Variants in CHSY1 observed in about 807,000 individuals in gnomAD.
CHSY1 encodes the protein N-acetylgalactosaminyl-proteoglycan 3-beta-glucuronosyltransferase 1.
CHSY1 carries 13 observed loss-of-function variants against 59.8 expected under a neutral mutation model. That is an observed-to-expected ratio of 0.22 (90% CI 0.14 to 0.35). The LOEUF is 0.35. Ranked by LOEUF, CHSY1 falls within the 10% of genes least tolerant of loss-of-function variation. The pLI is 1.00. For synonymous variants in CHSY1, 459 were observed against 401.2 expected (o/e 1.14, Z -1.72); for missense variants, 947 against 1,030.6 (o/e 0.92, Z 1.11).
In CHSY1 at chr15:101,178,738, G is replaced by C. The variant is rs750900475; in HGVS notation, c.1059C>G (p.Asp353Glu). 6.2e-6 allele frequency: 10 copies of C among 1,614,126 alleles called. No homozygotes were observed. In the African/African-American group the frequency reaches 1.2e-4, roughly 19 times the overall value. The change falls in exon 3 of 3, where the codon GAC (aspartate) becomes GAG (glutamate). Residue 353 changes from aspartate to glutamate, a missense_variant. Physicochemically the swap from Asp to Glu is conservative, Grantham distance 45 (BLOSUM62 2). Transcript: ENST00000254190. ...AGGAGGGAGGGATTCCCAGCTGGAG[G>C]TCCTCTTTATGAATTTCTGTGTTGC... ...KYSNTEIHKE[D>E]LQLGIPPSFM...
rs540718181 is a variant in CHSY1 at position 101,232,427 on chromosome 15, T to C, written c.816+2655A>G. Among the ~76,000 whole-genome samples the C allele has an allele frequency of 3.3e-5, 5 of 151,700 alleles. No individual in the cohort carries two copies. The South Asian group carries it at 8.4e-4, about 25-fold the overall frequency. On this transcript the variant is annotated intron_variant, in intron 2 of 2. Coordinates refer to ENST00000254190, the MANE Select transcript of CHSY1 (RefSeq NM_014918.5). ...ACTTAAAGCTTTATAAAAAGAAAAA[T>C]AAAAAAATAGAAATCAAAGGTCTAA...
chr15:101,191,884 T>C (rs538629224), intron 2 of CHSY1, among the ~76,000 whole-genome samples: 111 of 151,914 alleles, frequency 7.3e-4, no homozygotes, highest in African/African-American at 2.6e-3. Flanking sequence ...CCTTCATCCA[T>C]CTATCTACTC....
chr15:101,237,509 A>G (rs187881487), intron 1 of CHSY1, among the ~76,000 whole-genome samples: 61 of 152,322 alleles, frequency 4.0e-4, no homozygotes, highest in African/African-American at 1.3e-3. Context: ...TGAGTGGTCA[A>G]TTGCGAGGAA....
At chr15:101,237,222 T>TAAAAAAAAA (rs56731913) in intron 1 of CHSY1, among the ~76,000 whole-genome samples, 3 of 57,358 alleles carry the variant, frequency 5.2e-5, no homozygotes, top group African/African-American at 1.8e-4. Flanking sequence ...AGACTCCATC[T>TAAAAAAAAA]AAAAAAAAAA....
intron 1 of CHSY1, among the ~76,000 whole-genome samples, chr15:101,236,306 C>T (rs957430066): frequency 2.0e-5 from 3 of 152,120 alleles, no homozygotes; most frequent in Non-Finnish European, 2.9e-5. Flanking sequence ...CCACATGTTG[C>T]GGGAGGGACC....
chr15:101,239,002 T>A (rs938699038), intron 1 of CHSY1, among the ~76,000 whole-genome samples: 1 of 152,186 alleles, frequency 6.6e-6, no homozygotes, highest in African/African-American at 2.4e-5. Context: ...GGAGGGGAGA[T>A]AACTTCTCAG....
At chr15:101,184,881 T>G (rs1039494817) in intron 2 of CHSY1, among the ~76,000 whole-genome samples, 3 of 152,182 alleles carry the variant, frequency 2.0e-5, no homozygotes, top group Non-Finnish European at 2.9e-5. Context: ...GACAGAGAAG[T>G]TCCTACCTGA....
At chr15:101,223,349 G>A (rs1413832047) in intron 2 of CHSY1, among the ~76,000 whole-genome samples, 1 of 152,194 alleles carries the variant, frequency 6.6e-6, no homozygotes, top group East Asian at 1.9e-4. Flanking sequence ...ACAGTTCATG[G>A]CAACTAACAA....
Position 101,176,414 on chromosome 15 carries a change from A to G in CHSY1, c.*974T>C, listed in dbSNP as rs1415730390. The G allele has an allele frequency of 1.0e-5, 4 of 398,464 alleles. No individual in the cohort carries two copies. The highest frequency in any genetic ancestry group is 8.2e-5 in the African/African-American group (4 of 48,640). The allele number at this position is 398,464 out of a possible 1,614,324, so 24.7% of individuals were successfully genotyped here. On this transcript the variant is annotated 3_prime_UTR_variant, in exon 3 of 3. Transcript: ENST00000254190. The stretch of plus-strand genomic sequence containing the variant: ...TGTGTACATCAGATTTATTGTAATA[A>G]TTCATCTTTGTCATTCTAAACATTA...
At chr15:101,245,425 A>G (rs947415301) in intron 1 of CHSY1, among the ~76,000 whole-genome samples, 1 of 152,184 alleles carries the variant, frequency 6.6e-6, no homozygotes, top group African/African-American at 2.4e-5. Context: ...CACTGGGTGT[A>G]AGCCTCTTTC....
At chr15:101,189,827 G>A (rs902246908) in intron 2 of CHSY1, among the ~76,000 whole-genome samples, 1 of 152,240 alleles carries the variant, frequency 6.6e-6, no homozygotes, top group Non-Finnish European at 1.5e-5. Context: ...AGACTCCAGC[G>A]GCGCTGGGAC....
In CHSY1 at chr15:101,179,382, G is replaced by A. The variant is rs111915355; in HGVS notation, c.817-402C>T. Among the ~76,000 whole-genome samples the A allele has an allele frequency of 1.2e-4, 19 of 152,250 alleles. 1 individual carries two copies. The highest frequency in any genetic ancestry group is 4.1e-4 in the African/African-American group (17 of 41,540). ...TGAAGACCTGAATAGCAGATCCTGC[G>A]GCTTCTATCTGTGGGAATAAACTTC... On this transcript the variant is annotated intron_variant, in intron 2 of 2. Transcript: ENST00000254190.
chr15:101,243,673 C>G (rs1201587099), intron 1 of CHSY1, among the ~76,000 whole-genome samples: 1 of 152,244 alleles, frequency 6.6e-6, no homozygotes, highest in African/African-American at 2.4e-5. Flanking sequence ...ACACTTCAAC[C>G]ACTTTCAGAC....
intron 2 of CHSY1, among the ~76,000 whole-genome samples, chr15:101,216,902 A>T (rs1387467999): frequency 6.6e-6 from 1 of 152,204 alleles, no homozygotes; most frequent in East Asian, 1.9e-4. Context: ...ATCATTTAGG[A>T]GGTCAGGAGC....
At chr15:101,221,766 A>G (rs1212852452) in intron 2 of CHSY1, among the ~76,000 whole-genome samples, 1 of 152,206 alleles carries the variant, frequency 6.6e-6, no homozygotes, top group Non-Finnish European at 1.5e-5. Context: ...CATGTTAACT[A>G]TGTGAAAGAA....
chr15:101,182,849 C>T (rs2038298988), intron 2 of CHSY1, among the ~76,000 whole-genome samples: 1 of 152,142 alleles, frequency 6.6e-6, no homozygotes, highest in African/African-American at 2.4e-5. Flanking sequence ...TAATGAGAAT[C>T]AACAGTCAAG....
intron 1 of CHSY1, among the ~76,000 whole-genome samples, chr15:101,242,818 G>C (rs2039015176): frequency 6.6e-6 from 1 of 152,196 alleles, no homozygotes; most frequent in Non-Finnish European, 1.5e-5. Context: ...TCCCACTTCT[G>C]TGCATGTGGT....
At chr15:101,197,824 A>G (rs932318017) in intron 2 of CHSY1, among the ~76,000 whole-genome samples, 1 of 152,200 alleles carries the variant, frequency 6.6e-6, no homozygotes, top group Admixed American at 6.5e-5. Context: ...CAATTAAACT[A>G]CATTGTGCAA....
chr15:101,244,238 T>C (rs2039030003), intron 1 of CHSY1, among the ~76,000 whole-genome samples: 1 of 152,138 alleles, frequency 6.6e-6, no homozygotes, highest in Non-Finnish European at 1.5e-5. Flanking sequence ...CACTGAGTAT[T>C]TACATTAAGA....
Sources: gnomAD v4.1 joint callset for allele counts (sites outside exome capture counted in the v4.1 genomes callset) on GRCh38, gnomAD v4.1.1 for gene constraint, MANE v1.5 for transcripts, NCBI Gene and HGNC (gene_info 2026-07-23, HGNC 2026-07-21) for gene names.